COP1: variants seen among roughly 807,000 people sequenced by gnomAD.
COP1 encodes the protein COP1 E3 ubiquitin ligase, also known as E3 ubiquitin-protein ligase COP1.
COP1 carries 24 observed loss-of-function variants against 101.3 expected under a neutral mutation model. That is an observed-to-expected ratio of 0.24 (90% confidence interval 0.17 to 0.33). The LOEUF (loss-of-function observed/expected upper bound fraction) is 0.33, where lower values mean the gene tolerates loss of function less well. COP1 is among the 10% of genes least tolerant of loss of function. The pLI is 1.00. For missense variants in COP1, 663 were observed against 906.2 expected (o/e 0.73, Z 3.45); for synonymous variants, 347 against 341.9 (o/e 1.01, Z -0.17).
intron 3 of COP1, among the ~76,000 whole-genome samples, chr1:176,170,550 A>C (rs1361634624): frequency 6.6e-6 from 1 of 152,184 alleles, no homozygotes; most frequent in Non-Finnish European, 1.5e-5. Context: ...TTTTCTAAGC[A>C]GTAGGTCTCA....
intron 6 of COP1, among the ~76,000 whole-genome samples, chr1:176,145,081 A>G (rs1400864365): frequency 6.6e-6 from 1 of 152,146 alleles, no homozygotes; most frequent in Non-Finnish European, 1.5e-5. Context: ...ATGCAACCCA[A>G]TTAGAGGGAA....
intron 5 of COP1, among the ~76,000 whole-genome samples, chr1:176,158,630 C>CTTTTTTTTT (rs35518162): frequency 1.9e-4 from 15 of 79,310 alleles, no homozygotes; most frequent in Admixed American, 4.2e-4. Flanking sequence ...TTTTAAGGTT[C>CTTTTTTTTT]TTTTTTTTTT....
Position 176,111,108 on chromosome 1 carries a change from C to T in COP1, c.1026+5516G>A, listed in dbSNP as rs560176999. On this transcript the variant is annotated intron_variant, in intron 9 of 19. Transcript: ENST00000367669. Reference sequence around the variant, plus strand: ...CGGAGGTTGCAGTAAGCTGAGATGGCGCCACTGCACTCCAGCCTGGACAAC... The same window carrying T: ...CGGAGGTTGCAGTAAGCTGAGATGGTGCCACTGCACTCCAGCCTGGACAAC... Among the ~76,000 whole-genome samples the T allele has an allele frequency of 5.4e-4, 82 of 151,976 alleles. No homozygotes were observed. In the South Asian group the frequency reaches 6.2e-3, roughly 12 times the overall value.
chr1:176,156,737 C>T (rs1240305244), intron 5 of COP1, among the ~76,000 whole-genome samples: 1 of 152,110 alleles, frequency 6.6e-6, no homozygotes, highest in Non-Finnish European at 1.5e-5. Context: ...GGAGATGATT[C>T]ATCCAGAAGA....
At chr1:176,175,685 C>A (rs1696835475) in intron 3 of COP1, among the ~76,000 whole-genome samples, 2 of 152,070 alleles carry the variant, frequency 1.3e-5, no homozygotes, top group African/African-American at 4.8e-5. Context: ...CCCTGATATA[C>A]ACAATAATCT....
chr1:175,962,162 T>A (rs1042544421), intron 18 of COP1, among the ~76,000 whole-genome samples: 4 of 152,166 alleles, frequency 2.6e-5, no homozygotes, highest in African/African-American at 9.6e-5. Flanking sequence ...TCCCAAAATA[T>A]GCTACTCTGG....
At chr1:176,025,079 A>C (rs541830562) in intron 15 of COP1, among the ~76,000 whole-genome samples, 7 of 152,358 alleles carry the variant, frequency 4.6e-5, no homozygotes, top group African/African-American at 1.4e-4. Context: ...TGTTAGAAAA[A>C]GCATAAGCAC....
intron 9 of COP1, among the ~76,000 whole-genome samples, chr1:176,094,522 C>T (rs1052180650): frequency 7.3e-5 from 11 of 151,596 alleles, no homozygotes; most frequent in African/African-American, 2.2e-4. Flanking sequence ...GATATAAATA[C>T]GACACAAATC....
chr1:176,093,824 C>T lies in COP1; in HGVS notation c.1027-7934G>A, dbSNP rs554991010. Among the ~76,000 whole-genome samples the T allele has an allele frequency of 2.6e-5, 4 of 151,128 alleles. No homozygotes were observed. In the South Asian group the frequency reaches 6.3e-4, roughly 24 times the overall value. On this transcript the variant is annotated intron_variant, in intron 9 of 19. Coordinates refer to ENST00000367669, the MANE Select transcript of COP1 (RefSeq NM_022457.7). ...CACTACTCCAGCCTAGGTGACAGAG[C>T]GAGAGACTCTGTCTCAAAACAAAAC...
chr1:175,996,145 T>A (rs973905618), intron 15 of COP1, among the ~76,000 whole-genome samples: 2 of 151,750 alleles, frequency 1.3e-5, no homozygotes, highest in Admixed American at 1.3e-4. Context: ...AAAGACAAAA[T>A]CCACATGGTT....
chr1:176,037,649 T>C (rs1410023086), intron 14 of COP1, among the ~76,000 whole-genome samples: 1 of 152,124 alleles, frequency 6.6e-6, no homozygotes, highest in African/African-American at 2.4e-5. Flanking sequence ...AATTCAAGTT[T>C]TGAAAGTCAA....
chr1:176,206,732 A>C lies in COP1; in HGVS notation c.247T>G (p.Ser83Ala). 1 of 1,562,482 alleles carries C rather than the reference A, an allele frequency of 6.4e-7. No homozygotes were observed. ...AVSGSGGGAVSTGLSRHSCAA... is the reference protein window; with the variant it reads ...AVSGSGGGAVATGLSRHSCAA... Reference sequence around the variant, plus strand: ...CAGCTGTGCCGGGACAGGCCCGTGGACACCGCCCCGCCGCCGCTACCCGAT... The same window carrying C: ...CAGCTGTGCCGGGACAGGCCCGTGGCCACCGCCCCGCCGCCGCTACCCGAT... Residue 83 changes from serine to alanine, a missense_variant, in exon 1 of 20, where the codon TCC becomes GCC. Around this residue, in one of 4 missense-constraint regions of COP1, gnomAD observed 204 missense variants for 203.6 expected, o/e 1.00. Transcript: ENST00000367669.
chr1:176,038,639 G>C (rs1409606891), intron 14 of COP1, among the ~76,000 whole-genome samples: 1 of 152,128 alleles, frequency 6.6e-6, no homozygotes, highest in Admixed American at 6.5e-5. Flanking sequence ...CCAATATGGT[G>C]AAATGCCATC....
intron 1 of COP1, among the ~76,000 whole-genome samples, chr1:176,200,217 T>C (rs918738822): frequency 6.6e-6 from 1 of 152,174 alleles, no homozygotes; most frequent in Non-Finnish European, 1.5e-5. Context: ...GCCTGGCAAA[T>C]AGCAATTTAT....
intron 15 of COP1, among the ~76,000 whole-genome samples, chr1:176,005,850 A>C (rs1363100445): frequency 6.6e-6 from 1 of 152,090 alleles, no homozygotes; most frequent in Non-Finnish European, 1.5e-5. Context: ...AGAGTTCTGT[A>C]GATGTCTATT....
At chr1:176,122,708 T>C (rs1455086925) in intron 8 of COP1, among the ~76,000 whole-genome samples, 2 of 152,188 alleles carry the variant, frequency 1.3e-5, no homozygotes, top group African/African-American at 2.4e-5. Context: ...ACCTAATACT[T>C]ATACCGCCTT....
At chr1:176,183,816 T>C (rs1332677381) in intron 2 of COP1, among the ~76,000 whole-genome samples, 1 of 152,132 alleles carries the variant, frequency 6.6e-6, no homozygotes, top group East Asian at 1.9e-4. Flanking sequence ...ACTGAAGACA[T>C]TATGCTAAGT....
At chr1:176,125,857 A>G (rs1382824932) in intron 8 of COP1, among the ~76,000 whole-genome samples, 2 of 152,124 alleles carry the variant, frequency 1.3e-5, no homozygotes, top group African/African-American at 4.8e-5. Flanking sequence ...AATCATTAAC[A>G]TGGCATACCT....
chr1:176,097,564 T>C (rs1682627765), intron 9 of COP1, among the ~76,000 whole-genome samples: 1 of 152,106 alleles, frequency 6.6e-6, no homozygotes, highest in Non-Finnish European at 1.5e-5. Flanking sequence ...GCTCTTTTTT[T>C]TATAGAGCTT....
Sources: allele counts gnomAD v4.1 joint callset (sites outside exome capture counted in the v4.1 genomes callset), GRCh38; gene constraint gnomAD v4.1.1; regional missense constraint gnomAD v4.1.1; transcripts MANE v1.5; gene names NCBI Gene and HGNC (gene_info 2026-07-23, HGNC 2026-07-21).